The following BAIAP2L1 variants were observed in gnomAD, a reference collection of about 807,000 sequenced individuals.
The protein encoded by BAIAP2L1 is BAR/IMD domain-containing adapter protein 2-like 1.
BAIAP2L1 carries 35 observed loss-of-function variants against 66.3 expected under a neutral mutation model. The observed-to-expected ratio is 0.53, with a 90% CI of 0.40 to 0.70. The LOEUF (loss-of-function observed/expected upper bound fraction) is 0.70, where lower values mean the gene tolerates loss of function less well. Ranked by LOEUF, BAIAP2L1 falls within the 30% of genes least tolerant of loss-of-function variation. BAIAP2L1 has a pLI of 0.00. For missense variants in BAIAP2L1, 622 were observed against 656.9 expected, an observed-to-expected ratio of 0.95 and a Z score of 0.58; for synonymous variants, 269 against 248.7, an observed-to-expected ratio of 1.08 and a Z score of -0.77.
At chr7:98,333,856 A>G (rs995826653) in intron 3 of BAIAP2L1, among the ~76,000 whole-genome samples, 4 of 151,590 alleles carry the variant, frequency 2.6e-5, no homozygotes, top group African/African-American at 9.7e-5. Context: ...CGATGGTGCC[A>G]AGGCTCATGT....
chr7:98,294,128 G>GA lies in BAIAP2L1; in HGVS notation c.1423-18dup. On this transcript the variant is annotated splice_polypyrimidine_tract_variant and intron_variant, in intron 12 of 13. Transcript: ENST00000005260. ...GGCATCGTTCTGTGAGAAAGATAAA[G>GA]AAGTTTATGGAGGGCTTAGAATTGG... The GA allele has an allele frequency of 6.2e-7, 1 of 1,613,004 alleles. No homozygotes were observed.
intron 1 of BAIAP2L1, among the ~76,000 whole-genome samples, chr7:98,382,305 G>A (rs761575381): frequency 2.0e-5 from 3 of 152,138 alleles, no homozygotes; most frequent in Admixed American, 6.6e-5. Context: ...GCCCATCTGA[G>A]AAGGTAACTT....
chr7:98,360,873 G>A (rs562616192), intron 2 of BAIAP2L1, among the ~76,000 whole-genome samples: 236 of 152,242 alleles, frequency 1.6e-3, no homozygotes, highest in Non-Finnish European at 2.2e-3. Context: ...TGAAATCTCC[G>A]AAAGCACAGC....
chr7:98,327,261 T>C (rs1389757501), intron 3 of BAIAP2L1, among the ~76,000 whole-genome samples: 1 of 152,072 alleles, frequency 6.6e-6, no homozygotes, highest in Non-Finnish European at 1.5e-5. Flanking sequence ...CTTGGGAGGC[T>C]GAAGCATGAG....
chr7:98,349,315 C>T lies in BAIAP2L1; in HGVS notation c.214+5727G>A, dbSNP rs187142749. On this transcript the variant is annotated intron_variant, in intron 3 of 13. Transcript: ENST00000005260. ...GTGCCCGGCACGCGGTGGACACATC[C>T]GGAGACCCGTGTTTCTGTATGGAAG... 3.3e-5 allele frequency among the ~76,000 whole-genome samples: 5 copies of T among 152,260 alleles called. No individual in the cohort carries two copies. In the East Asian group the frequency reaches 7.7e-4, roughly 23 times the overall value.
In BAIAP2L1 at chr7:98,319,528, T is replaced by C. The variant is rs532118769; in HGVS notation, c.348+530A>G. 6.0e-5 allele frequency among the ~76,000 whole-genome samples: 9 copies of C among 150,488 alleles called. No homozygotes were observed. The South Asian group carries it at 1.9e-3, about 31-fold the overall frequency. ...GCTTTCTGGAAGCAGTGTGATTTCC[T>C]GCAATACTTTTTCCTATGCCTTTTT... On this transcript the variant is annotated intron_variant, in intron 5 of 13. Transcript: ENST00000005260.
intron 1 of BAIAP2L1, among the ~76,000 whole-genome samples, chr7:98,393,039 A>G (rs1259369119): frequency 2.7e-5 from 3 of 112,902 alleles, no homozygotes; most frequent in African/African-American, 6.3e-5. Flanking sequence ...ATATATATAC[A>G]TATATACGTG....
At chr7:98,355,201 A>C in intron 2 of BAIAP2L1, 73 bp from the exon 3 acceptor site, 1 of 1,047,948 alleles carries the variant, frequency 9.5e-7, no homozygotes, top group Non-Finnish European at 1.5e-6. Context: ...GTTTTCTTCC[A>C]AACACCCCCT....
chr7:98,399,345 T>C (rs890459402), intron 1 of BAIAP2L1, among the ~76,000 whole-genome samples: 1 of 152,212 alleles, frequency 6.6e-6, no homozygotes, highest in African/African-American at 2.4e-5. Context: ...AACGGATCTC[T>C]TGGATTTCAA....
In BAIAP2L1 at chr7:98,401,057, G is replaced by C. The variant is rs1460895277; in HGVS notation, c.-205C>G. 2 of 412,356 alleles carry C rather than the reference G, an allele frequency of 4.9e-6. No individual in the cohort carries two copies. The highest frequency in any genetic ancestry group is 8.2e-6 in the Non-Finnish European group (2 of 243,246). The allele number at this position is 412,356 out of a possible 1,614,324, so 25.5% of individuals were successfully genotyped here. On this transcript the variant is annotated 5_prime_UTR_variant, in exon 1 of 14. Coordinates refer to ENST00000005260, the MANE Select transcript of BAIAP2L1 (RefSeq NM_018842.5). ...GCAGCGCCGCCCTGGCCTTCTTCGA[G>C]GAGCAGAGGAGAAGCGGCCGGACGC...
intron 3 of BAIAP2L1, among the ~76,000 whole-genome samples, chr7:98,343,828 CT>C (rs1801806609): frequency 6.6e-6 from 1 of 152,218 alleles, no homozygotes; most frequent in African/African-American, 2.4e-5. Context: ...CCACTCAGCC[CT>C]GCTACTGTAT....
At chr7:98,305,488 C>T (rs920971802) in intron 11 of BAIAP2L1, among the ~76,000 whole-genome samples, 1 of 152,096 alleles carries the variant, frequency 6.6e-6, no homozygotes, top group African/African-American at 2.4e-5. Flanking sequence ...TTCTACCTGG[C>T]TAGCTGGATG....
chr7:98,303,983 AAAG>A (rs1177740621), intron 12 of BAIAP2L1, among the ~76,000 whole-genome samples: 1 of 152,226 alleles, frequency 6.6e-6, no homozygotes, highest in Non-Finnish European at 1.5e-5. Flanking sequence ...AGTCCACATG[AAAG>A]AAGGGCTGAA....
intron 3 of BAIAP2L1, among the ~76,000 whole-genome samples, chr7:98,351,115 C>A (rs1204234512): frequency 2.6e-5 from 4 of 152,150 alleles, no homozygotes; most frequent in Non-Finnish European, 4.4e-5. Context: ...CCCGCCTTGG[C>A]CTTCCAAAGT....
intron 8 of BAIAP2L1, among the ~76,000 whole-genome samples, chr7:98,311,884 C>T (rs565961200): frequency 6.6e-5 from 10 of 152,118 alleles, no homozygotes; most frequent in South Asian, 6.2e-4. Context: ...CCAGCCTGGG[C>T]GACAGAGCAA....
At chr7:98,378,282 T>C (rs1802679314) in intron 1 of BAIAP2L1, among the ~76,000 whole-genome samples, 1 of 152,198 alleles carries the variant, frequency 6.6e-6, no homozygotes. Flanking sequence ...AGTTTCCTGG[T>C]GTGTTTTAGC....
intron 3 of BAIAP2L1, among the ~76,000 whole-genome samples, chr7:98,344,927 ACT>A (rs761476226): frequency 3.9e-5 from 6 of 152,100 alleles, no homozygotes; most frequent in Admixed American, 1.3e-4. Flanking sequence ...CAAGAGCGAA[ACT>A]CTGTCTCAAA....
intron 2 of BAIAP2L1, among the ~76,000 whole-genome samples, chr7:98,356,608 T>TG (rs1362509245): frequency 1.3e-5 from 2 of 148,956 alleles, no homozygotes; most frequent in Non-Finnish European, 3.0e-5. Flanking sequence ...AGGATCCTTC[T>TG]GCCTCAGCCT....
chr7:98,319,655 T>G (rs1374481801), intron 5 of BAIAP2L1, among the ~76,000 whole-genome samples: 3 of 151,500 alleles, frequency 2.0e-5, no homozygotes, highest in Non-Finnish European at 4.4e-5. Flanking sequence ...CAAGCCATTC[T>G]CCTGCCTCAT....
Sources: allele counts gnomAD v4.1 joint callset (sites outside exome capture counted in the v4.1 genomes callset), GRCh38; gene constraint gnomAD v4.1.1; transcripts MANE v1.5; gene names NCBI Gene and HGNC (gene_info 2026-07-23, HGNC 2026-07-21).